The following SCN2A variants were observed in gnomAD, a reference collection of about 807,000 sequenced individuals.
SCN2A encodes sodium voltage-gated channel alpha subunit 2, also known as sodium channel protein type 2 subunit alpha.
A neutral mutation model predicts 188.7 loss-of-function variants in SCN2A; 20 were observed. The ratio of observed to expected loss-of-function variants is 0.11; its 90% CI spans 0.07 to 0.15. The LOEUF is 0.15. Among genes scored for constraint, SCN2A ranks in the 10% least tolerant of loss-of-function variants. The pLI, the probability that SCN2A is intolerant of heterozygous loss-of-function variation, is 1.00. For synonymous variants in SCN2A, 804 were observed against 833.1 expected (o/e 0.97, Z 0.60); for missense variants, 1,278 against 2,445.0 (o/e 0.52, Z 10.07).
rs954925467 is a variant in SCN2A at position 165,317,491 on chromosome 2, A to G, written c.1671+1733A>G. On this transcript the variant is annotated intron_variant, in intron 11 of 26. Transcript: ENST00000375437. ...CCTGAAGTTGTCTAAGTTTTGGCCAAAATTTGCCTAAATTTTGGCCTAGAT... is the reference window on the plus strand; with the variant it reads ...CCTGAAGTTGTCTAAGTTTTGGCCAGAATTTGCCTAAATTTTGGCCTAGAT... Among the ~76,000 whole-genome samples the G allele has an allele frequency of 3.3e-5, 5 of 152,058 alleles. No homozygotes were observed. The South Asian group carries it at 1.0e-3, about 32-fold the overall frequency.
At chr2:165,323,634 T>C (rs758103160) in intron 12 of SCN2A, 134 bp downstream of exon 12, 1 of 822,286 alleles carries the variant, frequency 1.2e-6, no homozygotes, top group Non-Finnish European at 2.0e-6. Context: ...AATCAAGCTG[T>C]TAACTGTCTT....
At chr2:165,356,350 T>C (rs1333243176) in intron 17 of SCN2A, among the ~76,000 whole-genome samples, 2 of 152,220 alleles carry the variant, frequency 1.3e-5, no homozygotes, top group African/African-American at 4.8e-5. Flanking sequence ...TAAAATCTTA[T>C]TAACAAAATT....
At chr2:165,299,059 C>T (rs1440612473) in intron 3 of SCN2A, among the ~76,000 whole-genome samples, 1 of 151,808 alleles carries the variant, frequency 6.6e-6, no homozygotes, top group East Asian at 1.9e-4. Context: ...TGTTTTAAAA[C>T]TTTTGTAATA....
chr2:165,310,805 GT>G, intron 7 of SCN2A: 1 of 327,538 alleles, frequency 3.1e-6, no homozygotes, highest in Middle Eastern at 9.4e-4. Context: ...TTGAAAATGT[GT>G]TGTCTTATAC....
At chr2:165,264,816 C>T (rs919540179) in intron 1 of SCN2A, among the ~76,000 whole-genome samples, 4 of 152,034 alleles carry the variant, frequency 2.6e-5, no homozygotes, top group Non-Finnish European at 5.9e-5. Flanking sequence ...TTTTTTGTGG[C>T]TGCATAATAT....
At chr2:165,265,469 ATC>A (rs754966737) in intron 1 of SCN2A, among the ~76,000 whole-genome samples, 861 of 65,236 alleles carry the variant, frequency 0.013, 11 homozygotes, top group Middle Eastern at 0.093. Flanking sequence ...TACTCTGTTG[ATC>A]TATATATATA....
intron 26 of SCN2A, among the ~76,000 whole-genome samples, chr2:165,387,254 TTCATCTGTTC>T (rs1701924357): frequency 6.6e-6 from 1 of 152,200 alleles, no homozygotes; most frequent in South Asian, 2.1e-4. Flanking sequence ...ATTTAATATT[TTCATCTGTTC>T]TCATCTCAGA....
chr2:165,268,452 GAC>G (rs1694969999), intron 1 of SCN2A: 3 of 151,946 alleles, frequency 2.0e-5, no homozygotes, highest in South Asian at 2.1e-4. Flanking sequence ...CGTCTTAATA[GAC>G]ACAGAAAAAA....
intron 3 of SCN2A, among the ~76,000 whole-genome samples, chr2:165,304,106 A>G (rs1295635164): frequency 6.6e-6 from 1 of 151,986 alleles, no homozygotes; most frequent in Non-Finnish European, 1.5e-5. Flanking sequence ...AACAATATGT[A>G]TATATATTTT....
At chr2:165,338,496 A>G (rs144476578) in intron 14 of SCN2A, among the ~76,000 whole-genome samples, 2,403 of 152,026 alleles carry the variant, frequency 0.016, 59 homozygotes, top group African/African-American at 0.054. Flanking sequence ...TCCTGACCTC[A>G]TGATCCGCCC....
chr2:165,387,921 C>T (rs564012642), intron 26 of SCN2A, among the ~76,000 whole-genome samples: 22 of 152,196 alleles, frequency 1.4e-4, no homozygotes, highest in African/African-American at 5.1e-4. Context: ...ACACTACTTA[C>T]CTTCTCAGTG....
chr2:165,277,532 T>G (rs1695399727), intron 1 of SCN2A, among the ~76,000 whole-genome samples: 1 of 152,228 alleles, frequency 6.6e-6, no homozygotes, highest in Non-Finnish European at 1.5e-5. Context: ...CCTACTTGTA[T>G]TACTACATGA....
At chr2:165,302,903 T>C (rs1444253728) in intron 3 of SCN2A, among the ~76,000 whole-genome samples, 1 of 152,206 alleles carries the variant, frequency 6.6e-6, no homozygotes, top group Non-Finnish European at 1.5e-5. Context: ...ATTTGCCAAC[T>C]CGCAGGTTAG....
At chr2:165,289,494 G>C (rs1318469644) in intron 1 of SCN2A, among the ~76,000 whole-genome samples, 1 of 151,778 alleles carries the variant, frequency 6.6e-6, no homozygotes, top group Non-Finnish European at 1.5e-5. Flanking sequence ...ATAGTGTCTG[G>C]CCTTAAAAGT....
chr2:165,380,063 T>C (rs1701518667), intron 23 of SCN2A, among the ~76,000 whole-genome samples: 1 of 151,864 alleles, frequency 6.6e-6, no homozygotes, highest in Non-Finnish European at 1.5e-5. Flanking sequence ...TAAAGAAATG[T>C]ATTATACCAA....
intron 4 of SCN2A, 69 bp downstream of exon 4, chr2:165,308,006 C>A (rs867263551): frequency 2.0e-6 from 2 of 1,005,390 alleles, no homozygotes; most frequent in Non-Finnish European, 3.2e-6. Flanking sequence ...CACCTTGAGA[C>A]CTCCTCAATT....
chr2:165,326,010 G>T (rs2105282560), intron 12 of SCN2A, among the ~76,000 whole-genome samples: 1 of 152,200 alleles, frequency 6.6e-6, no homozygotes. Flanking sequence ...TCAAAGGAAT[G>T]AAACTTTTTA....
At chr2:165,291,971 T>C (rs140010093) in intron 1 of SCN2A, among the ~76,000 whole-genome samples, 2 of 152,116 alleles carry the variant, frequency 1.3e-5, no homozygotes, top group Non-Finnish European at 2.9e-5. Context: ...TTCTTCCCAC[T>C]GAATTGAGGT....
chr2:165,369,266 GA>G (rs1338018736), intron 19 of SCN2A, among the ~76,000 whole-genome samples: 3 of 152,190 alleles, frequency 2.0e-5, no homozygotes, highest in African/African-American at 7.2e-5. Flanking sequence ...AGAGAACTAT[GA>G]AGTCTCATTA....
Sources: gnomAD v4.1 joint callset for allele counts (sites outside exome capture counted in the v4.1 genomes callset) on GRCh38, gnomAD v4.1.1 for gene constraint, MANE v1.5 for transcripts, NCBI Gene and HGNC (gene_info 2026-07-23, HGNC 2026-07-21) for gene names.